Variants in SLFN5 observed in about 807,000 individuals in gnomAD.
The protein encoded by SLFN5 is schlafen family member 5.
Under a neutral mutation model 48.5 loss-of-function variants are expected in SLFN5, and 34 were observed. The observed-to-expected ratio is 0.70, with a 90% confidence interval of 0.53 to 0.93. SLFN5 has a LOEUF of 0.93. Among genes scored for constraint, SLFN5 ranks in the 40% least tolerant of loss-of-function variants. The pLI, the probability that SLFN5 is intolerant of heterozygous loss-of-function variation, is 0.00. For missense variants in SLFN5, 1,006 were observed against 1,071.3 expected, an observed-to-expected ratio of 0.94 and a Z score of 0.85; for synonymous variants, 387 against 396.2, an observed-to-expected ratio of 0.98 and a Z score of 0.28.
chr17:35,260,897 C>T (rs1904501164), intron 2 of SLFN5, 74 bp from the exon 3 acceptor site: 2 of 1,560,942 alleles, frequency 1.3e-6, no homozygotes, highest in East Asian at 2.3e-5. Flanking sequence ...AGGTGAAAGA[C>T]TTTGTAGCAC....
At chr17:35,262,655 G>A (rs1164027214) in intron 3 of SLFN5, among the ~76,000 whole-genome samples, 1 of 152,058 alleles carries the variant, frequency 6.6e-6, no homozygotes, top group Non-Finnish European at 1.5e-5. Context: ...TTGAGCCCAG[G>A]AGTTCAAGAC....
chr17:35,263,163 C>T (rs560715428), intron 3 of SLFN5, among the ~76,000 whole-genome samples: 1 of 152,170 alleles, frequency 6.6e-6, no homozygotes, highest in South Asian at 2.1e-4. Flanking sequence ...CAGGATCTCA[C>T]TCTGTTGTGC....
At chr17:35,255,070 A>C (rs574124678) in intron 1 of SLFN5, among the ~76,000 whole-genome samples, 9 of 152,246 alleles carry the variant, frequency 5.9e-5, no homozygotes, top group African/African-American at 1.9e-4. Context: ...AAAACTCACT[A>C]TTGTTTTTCA....
chr17:35,246,483 G>A (rs1463493581), intron 1 of SLFN5, among the ~76,000 whole-genome samples: 2 of 152,104 alleles, frequency 1.3e-5, no homozygotes, highest in South Asian at 4.1e-4. Flanking sequence ...ACAGGCTGGG[G>A]CTTATATTTT....
At chr17:35,253,208 G>C (rs1247539579) in intron 1 of SLFN5, among the ~76,000 whole-genome samples, 1 of 152,046 alleles carries the variant, frequency 6.6e-6, no homozygotes, top group East Asian at 1.9e-4. Context: ...TCACTTATGA[G>C]GGTACATCAT....
At chr17:35,264,009 A>G (rs1033602696) in intron 3 of SLFN5, among the ~76,000 whole-genome samples, 174 bp from the exon 4 acceptor site, 8 of 152,080 alleles carry the variant, frequency 5.3e-5, no homozygotes, top group Non-Finnish European at 1.2e-4. Flanking sequence ...GTCTGTTTAT[A>G]CCAGCTAATT....
chr17:35,269,516 A>C lies in SLFN5; in HGVS notation c.*3628A>C, dbSNP rs1318524721. 1.3e-5 allele frequency: 2 copies of C among 152,204 alleles called. No homozygotes were observed. Among genetic ancestry groups the C allele is most frequent in the African/African-American group, 4.8e-5 (2 of 41,438 alleles). 9.4% of individuals were successfully genotyped at this position (152,204 alleles called of 1,614,324 possible). A position where few individuals can be genotyped will look rare whatever the true frequency, so the allele number is the denominator to read the frequency against. On this transcript the variant is annotated 3_prime_UTR_variant, in exon 5 of 5. Coordinates refer to ENST00000299977, the MANE Select transcript of SLFN5 (RefSeq NM_144975.4). ...AAACAAACAAAAATAATTTATTGGA[A>C]TCATTAGGGAGGACCTGATAGAATA... is the stretch of plus-strand genomic sequence containing the variant.
rs764656191 is a variant in SLFN5 at position 35,264,302 on chromosome 17, A to AT, written c.1264dup (p.Ser422PhefsTer19). ...GCGCCCTTTCTCTCAAGGAATATTG[A>AT]TTTTTTCTCAAAGCTGGGCTGTGGA... is the stretch of plus-strand genomic sequence containing the variant. On this transcript the variant is annotated frameshift_variant, in exon 4 of 5. Coordinates refer to ENST00000299977, the MANE Select transcript of SLFN5 (RefSeq NM_144975.4). LOFTEE classifies it high-confidence loss of function. 79 of 1,613,970 alleles carry AT rather than the reference A, an allele frequency of 4.9e-5. No homozygotes were observed. The highest frequency in any genetic ancestry group is 9.3e-5 in the African/African-American group (7 of 74,906).
At position 35,259,105 on chromosome 17, in the gene SLFN5, T is replaced by A; in HGVS notation, c.415T>A (p.Cys139Ser). The part of the protein sequence containing the change: ...DSQEALAFLK[C>S]RTQTPTNINV... ...TCAGGAAGCTCTGGCATTCCTCAAA[T>A]GCAGGACTCAGACTCCAACGAATAT... is the stretch of plus-strand genomic sequence containing the variant. The change falls in exon 2 of 5, where the codon TGC (cysteine) becomes AGC (serine). Residue 139 changes from cysteine (C) to serine (S), a missense_variant. Physicochemically the swap from Cys to Ser is moderately radical, Grantham distance 112. Transcript: ENST00000299977. The A allele has an allele frequency of 6.2e-7, 1 of 1,614,194 alleles. No individual in the cohort carries two copies. The highest frequency in any genetic ancestry group is 8.5e-7 in the Non-Finnish European group (1 of 1,180,038).
In SLFN5 at chr17:35,266,177, T is replaced by TGTGTGTGTGCGTGC; in HGVS notation, c.*290_*291insTGTGTGTGCGTGCG. Reference sequence around the variant, plus strand: ...GTGTGTGTGTGTGTGTGTGTGTGTGTGCGCGCGCGCACGTGCACATGTGTG... The same window carrying TGTGTGTGTGCGTGC: ...GTGTGTGTGTGTGTGTGTGTGTGTGTGTGTGTGTGCGTGCGCGCGCGCGCACGTGCACATGTGTG... On this transcript the variant is annotated 3_prime_UTR_variant, in exon 5 of 5. Transcript: ENST00000299977. The TGTGTGTGTGCGTGC allele has an allele frequency of 1.2e-5, 2 of 170,412 alleles. No homozygotes were observed. The allele number at this position is 170,412 out of a possible 1,614,324, so 10.6% of individuals were successfully genotyped here. A position where few individuals can be genotyped will look rare whatever the true frequency, so the allele number is the denominator to read the frequency against.
At chr17:35,259,725 G>A (rs1904467333) in intron 2 of SLFN5, 23 bp downstream of exon 2, 1 of 1,593,488 alleles carries the variant, frequency 6.3e-7, no homozygotes, top group South Asian at 1.1e-5. Flanking sequence ...TATCCACAAT[G>A]GTTGTAATGT....
At chr17:35,244,412 C>T (rs1460515365) in intron 1 of SLFN5, among the ~76,000 whole-genome samples, 2 of 151,746 alleles carry the variant, frequency 1.3e-5, no homozygotes, top group African/African-American at 4.8e-5. Context: ...GGTGGGAGGG[C>T]GTTGGTTTAG....
chr17:35,249,736 G>A (rs750327248), intron 1 of SLFN5, among the ~76,000 whole-genome samples: 7 of 152,160 alleles, frequency 4.6e-5, no homozygotes, highest in Non-Finnish European at 1.0e-4. Flanking sequence ...ACTGTAATAT[G>A]TATTGATGTT....
chr17:35,264,974 C>G (rs1349609847), intron 4 of SLFN5, 71 bp downstream of exon 4: 2 of 1,534,022 alleles, frequency 1.3e-6, no homozygotes, highest in Admixed American at 2.2e-5. Context: ...AGTTTACTTG[C>G]TAAAATTCAT....
intron 4 of SLFN5, 70 bp downstream of exon 4, chr17:35,264,973 G>A: frequency 6.5e-7 from 1 of 1,533,986 alleles, no homozygotes; most frequent in African/African-American, 1.4e-5. Flanking sequence ...CAGTTTACTT[G>A]CTAAAATTCA....
At chr17:35,258,615 G>T in intron 1 of SLFN5, 36 bp from the exon 2 acceptor site, 1 of 1,525,882 alleles carries the variant, frequency 6.6e-7, no homozygotes, top group South Asian at 1.3e-5. Flanking sequence ...TCCTATTCTT[G>T]TCCTGTTCTA....
Position 35,258,902 on chromosome 17 carries a change from G to A in SLFN5, c.212G>A (p.Arg71His), listed in dbSNP as rs555534830. 9.3e-6 allele frequency: 15 copies of A among 1,614,206 alleles called. No homozygotes were observed. The highest frequency in any genetic ancestry group is 6.6e-5 in the South Asian group (6 of 91,086). Residue 71 changes from arginine (R) to histidine (H), a missense_variant, in exon 2 of 5, where the codon CGT becomes CAT. Arg to His is a conservative substitution (Grantham distance 29, BLOSUM62 0). Transcript: ENST00000299977. ...EIENKGYNYERHGVGLDVPPI... is the reference protein window; with the variant it reads ...EIENKGYNYEHHGVGLDVPPI... Reference sequence around the variant, plus strand: ...GAGAACAAAGGCTACAATTATGAACGTCATGGAGTAGGATTGGATGTGCCT... The same window carrying A: ...GAGAACAAAGGCTACAATTATGAACATCATGGAGTAGGATTGGATGTGCCT...
chr17:35,255,161 G>T (rs899929642), intron 1 of SLFN5, among the ~76,000 whole-genome samples: 1 of 152,052 alleles, frequency 6.6e-6, no homozygotes, highest in East Asian at 1.9e-4. Context: ...CTTCTAATTA[G>T]AAAAAGGATT....
In SLFN5 at chr17:35,268,715, T is replaced by C. The variant is rs1904762093; in HGVS notation, c.*2827T>C. ...CTGGGCGACAAAGTGAGACCCTGTC[T>C]CAAAAAACAAACAAAGCCTCCCCAT... On this transcript the variant is annotated 3_prime_UTR_variant, in exon 5 of 5. Transcript: ENST00000299977. 1 of 152,306 alleles carries C rather than the reference T, an allele frequency of 6.6e-6. No homozygotes were observed. The highest frequency in any genetic ancestry group is 2.1e-4 in the South Asian group (1 of 4,838). The allele number at this position is 152,306 out of a possible 1,614,324, so 9.4% of individuals were successfully genotyped here. A position where few individuals can be genotyped will look rare whatever the true frequency, so the allele number is the denominator to read the frequency against.
Sources: gnomAD v4.1 joint callset for allele counts (sites outside exome capture counted in the v4.1 genomes callset) on GRCh38, gnomAD v4.1.1 for gene constraint, MANE v1.5 for transcripts, NCBI Gene and HGNC (gene_info 2026-07-23, HGNC 2026-07-21) for gene names.